The following UTRN variants were observed in gnomAD, a reference collection of about 807,000 sequenced individuals.
UTRN encodes the protein dystrophin-related protein 1.
UTRN carries 283 observed loss-of-function variants against 463.9 expected under a neutral mutation model. The observed-to-expected ratio is 0.61, with a 90% CI of 0.55 to 0.67. UTRN has a LOEUF of 0.67. UTRN is among the 30% of genes least tolerant of loss of function. UTRN has a pLI of 0.00. For synonymous variants in UTRN, 1,442 were observed against 1,431.5 expected, an observed-to-expected ratio of 1.01 and a Z score of -0.17; for missense variants, 3,922 against 4,084.3, an observed-to-expected ratio of 0.96 and a Z score of 1.08.
At chr6:144,535,769 A>G (rs970402534) in intron 43 of UTRN, among the ~76,000 whole-genome samples, 1 of 152,096 alleles carries the variant, frequency 6.6e-6, no homozygotes, top group African/African-American at 2.4e-5. Flanking sequence ...TAGTTCAGCA[A>G]CCTGCAGAGT....
intron 53 of UTRN, among the ~76,000 whole-genome samples, chr6:144,719,363 G>A (rs1469762514): frequency 1.3e-5 from 2 of 152,124 alleles, no homozygotes; most frequent in Non-Finnish European, 2.9e-5. Flanking sequence ...CGGATCACCT[G>A]AGGTCAGGAA....
At position 144,742,094 on chromosome 6, in the gene UTRN, G is replaced by GA. The variant is rs869311919; in HGVS notation, c.7940-6143dup. On this transcript the variant is annotated intron_variant, in intron 54 of 74. Coordinates refer to ENST00000367545, the MANE Select transcript of UTRN (RefSeq NM_007124.3). ...TCTAGGTTCTCTTTTCTTAAAAAAAGAAAAAAAAAGAATTTGAGAAGTCCA... is the reference window on the plus strand; with the variant it reads ...TCTAGGTTCTCTTTTCTTAAAAAAAGAAAAAAAAAAGAATTTGAGAAGTCCA... Among the ~76,000 whole-genome samples, 12 of 145,042 alleles carry GA rather than the reference G, an allele frequency of 8.3e-5. No homozygotes were observed. The South Asian group carries it at 1.1e-3, about 13-fold the overall frequency.
intron 51 of UTRN, among the ~76,000 whole-genome samples, chr6:144,579,623 A>G (rs952111916): frequency 2.0e-5 from 3 of 152,230 alleles, no homozygotes; most frequent in African/African-American, 7.2e-5. Flanking sequence ...GTAAATAGAA[A>G]TGTTTAAAAT....
intron 51 of UTRN, among the ~76,000 whole-genome samples, chr6:144,586,930 C>T (rs1315387197): frequency 6.6e-6 from 1 of 152,092 alleles, no homozygotes; most frequent in Non-Finnish European, 1.5e-5. Context: ...TGGTTTTAGT[C>T]ACCCCCCAAA....
rs139495078 is a variant in UTRN, at chr6:144,315,166, A to G, written c.79+23259A>G. ...CCTGCAGAATCCTGTTTCACATTTA[A>G]TGGTAGCTGAAAGACAATACTGCAG... On this transcript the variant is annotated intron_variant, in intron 2 of 74. Coordinates refer to ENST00000367545, the MANE Select transcript of UTRN (RefSeq NM_007124.3). Among the ~76,000 whole-genome samples, 3 of 152,306 alleles carry G rather than the reference A, an allele frequency of 2.0e-5. No homozygotes were observed. In the East Asian group the frequency reaches 5.8e-4, roughly 29 times the overall value.
At chr6:144,630,481 G>A (rs903801203) in intron 51 of UTRN, among the ~76,000 whole-genome samples, 2 of 152,202 alleles carry the variant, frequency 1.3e-5, no homozygotes, top group African/African-American at 4.8e-5. Context: ...GTGGGCCAGA[G>A]AGTGTGTGAG....
intron 51 of UTRN, among the ~76,000 whole-genome samples, chr6:144,657,250 CAA>C (rs11400052): frequency 0.13 from 8,791 of 68,056 alleles, 187 homozygotes; most frequent in East Asian, 0.23. Context: ...AACTCCATCT[CAA>C]AAAAAAAAAA....
chr6:144,606,527 T>G (rs959265224), intron 51 of UTRN, among the ~76,000 whole-genome samples: 1 of 152,240 alleles, frequency 6.6e-6, no homozygotes, highest in Admixed American at 6.5e-5. Context: ...TTTTCAAGTT[T>G]GCATGAATGC....
rs560126737 is a variant in UTRN, at chr6:144,288,702, TA to T, written c.-93+2885del. Among the ~76,000 whole-genome samples, 19 of 150,716 alleles carry T rather than the reference TA, an allele frequency of 1.3e-4. No homozygotes were observed. In the South Asian group the frequency reaches 3.4e-3, roughly 27 times the overall value. ...ATGAAAAAAGTTTTTTAGACTCTCA[TA>T]AAATCTGTCAGATTGATGATCCAAT... On this transcript the variant is annotated intron_variant, in intron 1 of 74. Coordinates refer to ENST00000367545, the MANE Select transcript of UTRN (RefSeq NM_007124.3).
At chr6:144,844,745 A>G (rs1441755330) in intron 73 of UTRN, among the ~76,000 whole-genome samples, 1 of 152,210 alleles carries the variant, frequency 6.6e-6, no homozygotes, top group East Asian at 1.9e-4. Flanking sequence ...AAAGCTTACC[A>G]ACCACCTTTG....
At chr6:144,558,699 A>G (rs1281747134) in intron 50 of UTRN, among the ~76,000 whole-genome samples, 1 of 152,070 alleles carries the variant, frequency 6.6e-6, no homozygotes, top group Non-Finnish European at 1.5e-5. Context: ...CTTTATGGCC[A>G]TCTCCAAGAC....
chr6:144,706,722 C>T (rs1225372080), intron 53 of UTRN: 1 of 152,126 alleles, frequency 6.6e-6, no homozygotes, highest in Non-Finnish European at 1.5e-5. Flanking sequence ...TTTTTACCTA[C>T]CCAGAGATAC....
chr6:144,554,867 C>T lies in UTRN; in HGVS notation c.7108C>T (p.Leu2370Phe). ...YILQQARRDP[L>F]TKQISDNQIL... ...TCTTCAGCAAGCCCGACGGGATCCA[C>T]TCACCAAACAAATTTCTGATAACCA... The change falls in exon 49 of 75, where the codon CTC becomes TTC. Residue 2370 changes from leucine (L) to phenylalanine (F), a missense_variant. Physicochemically the swap from Leu to Phe is conservative, Grantham distance 22 (BLOSUM62 0). Around this residue, in one of 3 missense-constraint regions of UTRN, gnomAD observed 1,309 missense variants for 1,452.6 expected, o/e 0.90. Coordinates refer to ENST00000367545, the MANE Select transcript of UTRN (RefSeq NM_007124.3). 6.2e-7 allele frequency: 1 copy of T among 1,614,008 alleles called. No individual in the cohort carries two copies. The highest frequency in any genetic ancestry group is 8.5e-7 in the Non-Finnish European group (1 of 1,179,958).
intron 1 of UTRN, among the ~76,000 whole-genome samples, chr6:144,290,599 A>AAG (rs1267246156): frequency 6.6e-6 from 1 of 152,162 alleles, no homozygotes; most frequent in Non-Finnish European, 1.5e-5. Context: ...ACTATGAAAA[A>AAG]ATTCTCAGAC....
chr6:144,812,746 G>T (rs1778731894), intron 65 of UTRN, among the ~76,000 whole-genome samples: 1 of 152,236 alleles, frequency 6.6e-6, no homozygotes, highest in South Asian at 2.1e-4. Flanking sequence ...AAGTGATTTT[G>T]TTTAGGGTTT....
chr6:144,344,968 T>G (rs977801347), intron 2 of UTRN, among the ~76,000 whole-genome samples: 1 of 152,242 alleles, frequency 6.6e-6, no homozygotes, highest in African/African-American at 2.4e-5. Context: ...TCTTGTTTAA[T>G]GTATACATGT....
intron 41 of UTRN, 80 bp downstream of exon 41, chr6:144,523,268 G>T (rs1796268494): frequency 9.2e-7 from 1 of 1,087,670 alleles, no homozygotes; most frequent in Non-Finnish European, 1.3e-6. Context: ...TGTGGACACT[G>T]AGATTAATGA....
At chr6:144,702,268 A>G (rs1784675769) in intron 53 of UTRN, among the ~76,000 whole-genome samples, 1 of 152,186 alleles carries the variant, frequency 6.6e-6, no homozygotes. Context: ...CCTCCCTCCC[A>G]GCAAGGTAAC....
Position 144,631,233 on chromosome 6 carries a change from GAGA to G in UTRN, c.7480-47172_7480-47170del, listed in dbSNP as rs775498560. 3.1e-3 allele frequency among the ~76,000 whole-genome samples: 383 copies of G among 123,680 alleles called. 1 individual carries two copies. The highest frequency in any genetic ancestry group is 2.0e-3 in the Non-Finnish European group (120 of 58,700). 81.1% of individuals were successfully genotyped at this position (123,680 alleles called of 152,430 possible). A position where few individuals can be genotyped will look rare whatever the true frequency, so the allele number is the denominator to read the frequency against. Reference sequence around the variant, plus strand: ...AGAGTGAGTGTGTGTGTGTGAGAGAGAGAGGTGTGTGTGTGTGTGTGTGTGTGT... The same window carrying G: ...AGAGTGAGTGTGTGTGTGTGAGAGAGGGTGTGTGTGTGTGTGTGTGTGTGT... On this transcript the variant is annotated intron_variant, in intron 51 of 74. Transcript: ENST00000367545.
Sources: allele counts gnomAD v4.1 joint callset (sites outside exome capture counted in the v4.1 genomes callset), GRCh38; gene constraint gnomAD v4.1.1; regional missense constraint gnomAD v4.1.1; transcripts MANE v1.5; gene names NCBI Gene and HGNC (gene_info 2026-07-23, HGNC 2026-07-21).